Variants in RASAL2 observed in about 807,000 individuals in gnomAD.
The protein encoded by RASAL2 is ras GTPase-activating protein nGAP.
In RASAL2, 58 loss-of-function variants were observed where a neutral mutation model predicts 128.9. That is an observed-to-expected ratio of 0.45 (90% CI 0.36 to 0.56). The LOEUF is 0.56. Ranked by LOEUF, RASAL2 falls within the 20% of genes least tolerant of loss-of-function variation. The probability of loss-of-function intolerance (pLI) is 0.00; values close to 1 mark genes in which losing one functional copy is unlikely to be tolerated. For synonymous variants in RASAL2, 561 were observed against 580.8 expected (o/e 0.97, Z 0.49); for missense variants, 1,360 against 1,601.6 (o/e 0.85, Z 2.57).
chr1:178,104,893 G>A (rs1038744507), intron 1 of RASAL2, among the ~76,000 whole-genome samples: 12 of 152,158 alleles, frequency 7.9e-5, no homozygotes, highest in African/African-American at 2.4e-4. Flanking sequence ...ATCCATGACC[G>A]TGACCTTACT....
At chr1:178,195,277 A>G (rs893809475) in intron 1 of RASAL2, among the ~76,000 whole-genome samples, 5 of 152,216 alleles carry the variant, frequency 3.3e-5, no homozygotes, top group Non-Finnish European at 7.3e-5. Flanking sequence ...CCAGCAGTCA[A>G]TATAGTATTT....
intron 1 of RASAL2, among the ~76,000 whole-genome samples, chr1:178,263,956 T>C (rs1665821993): frequency 6.6e-6 from 1 of 152,226 alleles, no homozygotes; most frequent in Admixed American, 6.5e-5. Flanking sequence ...TGTGCCATTG[T>C]GCTCTGAGTT....
At chr1:178,109,181 T>G (rs1659205457) in intron 1 of RASAL2, among the ~76,000 whole-genome samples, 1 of 152,198 alleles carries the variant, frequency 6.6e-6, no homozygotes, top group Non-Finnish European at 1.5e-5. Context: ...AGAATTCACT[T>G]TCACAGAAGC....
At chr1:178,097,495 T>C (rs1379488664) in intron 1 of RASAL2, among the ~76,000 whole-genome samples, 1 of 152,202 alleles carries the variant, frequency 6.6e-6, no homozygotes, top group African/African-American at 2.4e-5. Context: ...TCAAAGAAGA[T>C]ATATTGAAGG....
chr1:178,373,387 T>A (rs1671828426), intron 3 of RASAL2, among the ~76,000 whole-genome samples: 1 of 151,026 alleles, frequency 6.6e-6, no homozygotes, highest in South Asian at 2.1e-4. Flanking sequence ...TTATTTATCT[T>A]CGGCATTTGG....
At chr1:178,448,598 C>T (rs181420502) in intron 9 of RASAL2, among the ~76,000 whole-genome samples, 5 of 151,910 alleles carry the variant, frequency 3.3e-5, no homozygotes, top group Non-Finnish European at 7.4e-5. Context: ...GAGCTTATTA[C>T]AGCCATAAAT....
intron 1 of RASAL2, among the ~76,000 whole-genome samples, chr1:178,257,306 C>T (rs1665406914): frequency 6.6e-6 from 1 of 151,946 alleles, no homozygotes; most frequent in Admixed American, 6.6e-5. Flanking sequence ...TTGCAAGCAA[C>T]CCAGAATAGC....
At chr1:178,158,555 ATAT>A (rs1661161676) in intron 1 of RASAL2, among the ~76,000 whole-genome samples, 1 of 152,202 alleles carries the variant, frequency 6.6e-6, no homozygotes. Context: ...AATAGGGAAA[ATAT>A]TATTTTTGAG....
At chr1:178,256,554 A>G (rs1268499226) in intron 1 of RASAL2, among the ~76,000 whole-genome samples, 1 of 152,210 alleles carries the variant, frequency 6.6e-6, no homozygotes, top group Non-Finnish European at 1.5e-5. Flanking sequence ...AAGTAAAACT[A>G]TTTCTGTTTG....
At chr1:178,353,313 T>A (rs1670619102) in intron 3 of RASAL2, among the ~76,000 whole-genome samples, 1 of 152,212 alleles carries the variant, frequency 6.6e-6, no homozygotes, top group African/African-American at 2.4e-5. Context: ...GCTTAGAGAT[T>A]TCTTCTGCCA....
intron 3 of RASAL2, among the ~76,000 whole-genome samples, chr1:178,330,281 T>G (rs1315861216): frequency 6.6e-6 from 1 of 152,230 alleles, no homozygotes; most frequent in East Asian, 1.9e-4. Flanking sequence ...TTATTTTGTC[T>G]TAATGGTTCT....
intron 1 of RASAL2, among the ~76,000 whole-genome samples, chr1:178,282,690 A>T (rs894623730): frequency 1.3e-5 from 2 of 152,186 alleles, no homozygotes; most frequent in Admixed American, 6.5e-5. Flanking sequence ...CTAAGTAATG[A>T]TAATGCATGT....
intron 1 of RASAL2, among the ~76,000 whole-genome samples, chr1:178,266,174 A>G (rs1412715457): frequency 2.0e-4 from 31 of 152,134 alleles, no homozygotes; most frequent in Non-Finnish European, 1.2e-4. Context: ...ATATTGTCCA[A>G]CAGTTTTCAA....
rs1412311531 is a variant in RASAL2 at position 178,474,467 on chromosome 1, G to C, written c.*1228G>C. 6.6e-6 allele frequency: 1 copy of C among 152,182 alleles called. No individual in the cohort carries two copies. The highest frequency in any genetic ancestry group is 2.4e-5 in the African/African-American group (1 of 41,442). 9.4% of individuals were successfully genotyped at this position (152,182 alleles called of 1,614,324 possible). A position where few individuals can be genotyped will look rare whatever the true frequency, so the allele number is the denominator to read the frequency against. On this transcript the variant is annotated 3_prime_UTR_variant, in exon 18 of 18. Coordinates refer to ENST00000367649, the MANE Select transcript of RASAL2 (RefSeq NM_170692.4). Reference sequence around the variant, plus strand: ...TAAAAGAAAAAGAAAATAATGGAAAGTGTCAGGATGGCACATTCCAGTTAT... The same window carrying C: ...TAAAAGAAAAAGAAAATAATGGAAACTGTCAGGATGGCACATTCCAGTTAT...
chr1:178,113,124 T>G (rs1659395902), intron 1 of RASAL2, among the ~76,000 whole-genome samples: 1 of 152,224 alleles, frequency 6.6e-6, no homozygotes, highest in Admixed American at 6.5e-5. Flanking sequence ...CTTTGAGCAC[T>G]CAGGTGCCTT....
chr1:178,470,796 A>C, intron 17 of RASAL2: 1 of 1,210,484 alleles, frequency 8.3e-7, no homozygotes, highest in South Asian at 1.2e-5. Flanking sequence ...CCTCCTACAC[A>C]TTCCAGCTCC....
At chr1:178,465,828 AAAAG>A (rs527384544) in intron 15 of RASAL2, 88 bp from the exon 16 acceptor site, 329 of 1,193,136 alleles carry the variant, frequency 2.8e-4, no homozygotes, top group Admixed American at 1.6e-3. Flanking sequence ...GAAAAAGAAA[AAAAG>A]AAAGAAAGAG....
chr1:178,224,512 G>A (rs1438586681), intron 1 of RASAL2, among the ~76,000 whole-genome samples: 1 of 151,972 alleles, frequency 6.6e-6, no homozygotes, highest in Non-Finnish European at 1.5e-5. Context: ...AGGATGTTTT[G>A]TTATTAATTA....
rs1676652480 is a variant in RASAL2 at position 178,441,557 on chromosome 1, C to T, written c.837C>T (p.Tyr279=). ...TAATTTTTATGTTGAAGGTTACCTA[C>T]TTAAGTGGAAGTAAATGCTTCAGCT... ...LGQDFCFEVT[Y]LSGSKCFSCN... is the part of the protein sequence containing the mutation. Residue 279 remains tyrosine (Y), a synonymous_variant, in exon 7 of 18, where the codon TAC becomes TAT. Transcript: ENST00000367649. The T allele has an allele frequency of 6.2e-7, 1 of 1,611,674 alleles. No homozygotes were observed. Among genetic ancestry groups the T allele is most frequent in the Non-Finnish European group, 8.5e-7 (1 of 1,178,552 alleles).
Sources: gnomAD v4.1 joint callset for allele counts (sites outside exome capture counted in the v4.1 genomes callset) on GRCh38, gnomAD v4.1.1 for gene constraint, MANE v1.5 for transcripts, NCBI Gene and HGNC (gene_info 2026-07-23, HGNC 2026-07-21) for gene names.